GLRA2: variants seen among roughly 807,000 people sequenced by gnomAD.
GLRA2 encodes the protein glycine receptor subunit alpha-2.
Under a neutral mutation model 31.6 loss-of-function variants are expected in GLRA2, and 11 were observed. That is an observed-to-expected ratio of 0.35 (90% CI 0.22 to 0.58). The LOEUF is 0.58. Ranked by LOEUF, GLRA2 falls within the 20% of genes least tolerant of loss-of-function variation. GLRA2 has a pLI of 0.84. For missense variants in GLRA2, 212 were observed against 351.8 expected, an observed-to-expected ratio of 0.60 and a Z score of 3.18; for synonymous variants, 132 against 134.0, an observed-to-expected ratio of 0.99 and a Z score of 0.10.
intron 3 of GLRA2, among the ~76,000 whole-genome samples, chrX:14,577,956 G>T (rs1172337565): frequency 3.6e-5 from 4 of 111,963 alleles, no homozygotes; most frequent in African/African-American, 9.7e-5. Context: ...GTCTTTAGTT[G>T]TAGTCAGAAT....
At chrX:14,496,080 G>T in the GLRA2 span, among the ~76,000 whole-genome samples, 2 of 111,407 alleles carry the variant, frequency 1.8e-5, no homozygotes, top group Admixed American at 9.6e-5. Flanking sequence ...TAGCATGGGC[G>T]AAATGCAAAG....
intron 7 of GLRA2, among the ~76,000 whole-genome samples, chrX:14,663,178 T>A (rs2091008223): frequency 9.0e-6 from 1 of 111,589 alleles, no homozygotes; most frequent in African/African-American, 3.2e-5. Context: ...AATGTAGGTA[T>A]CCCTGTCTTG....
intron 7 of GLRA2, among the ~76,000 whole-genome samples, chrX:14,638,599 T>G (rs1239856054): frequency 9.0e-6 from 1 of 111,541 alleles, no homozygotes. Flanking sequence ...ATGAAAGTAA[T>G]TTTATGTTTG....
the GLRA2 span, among the ~76,000 whole-genome samples, chrX:14,493,980 C>T: frequency 3.5e-4 from 39 of 109,930 alleles, no homozygotes; most frequent in Admixed American, 1.4e-3. Flanking sequence ...TATTTTCATA[C>T]GATGTAACAT....
intron 8 of GLRA2, among the ~76,000 whole-genome samples, chrX:14,696,037 C>T (rs751539843): frequency 7.3e-5 from 8 of 109,691 alleles, no homozygotes; most frequent in African/African-American, 2.0e-4. Context: ...ACAGGTACTT[C>T]GGTTTAACTA....
At chrX:14,476,027 T>C in the GLRA2 span, among the ~76,000 whole-genome samples, 1 of 111,663 alleles carries the variant, frequency 9.0e-6, no homozygotes, top group Admixed American at 9.5e-5. Flanking sequence ...GCACACTTGT[T>C]AAAGCACAAG....
chrX:14,708,137 G>C (rs762809442), intron 8 of GLRA2, among the ~76,000 whole-genome samples: 1 of 111,452 alleles, frequency 9.0e-6, no homozygotes, highest in Non-Finnish European at 1.9e-5. Flanking sequence ...TCACAGAACT[G>C]AAACTTTGTA....
At chrX:14,669,996 C>T (rs767874753) in intron 7 of GLRA2, among the ~76,000 whole-genome samples, 35 of 112,343 alleles carry the variant, frequency 3.1e-4, no homozygotes, top group Admixed American at 6.6e-4. Context: ...AAACTGAATG[C>T]CTTTAACCAC....
chrX:14,487,891 C>T, the GLRA2 span, among the ~76,000 whole-genome samples: 1 of 111,727 alleles, frequency 9.0e-6, no homozygotes, highest in African/African-American at 3.3e-5. Context: ...GTTACAGGAT[C>T]AAATACATGA....
At chrX:14,459,106 C>G in the GLRA2 span, among the ~76,000 whole-genome samples, 2 of 111,891 alleles carry the variant, frequency 1.8e-5, no homozygotes, top group Non-Finnish European at 3.8e-5. Flanking sequence ...GCCAGTTTTC[C>G]TAGCACCATT....
intron 7 of GLRA2, among the ~76,000 whole-genome samples, chrX:14,665,593 G>A (rs1356951147): frequency 9.0e-6 from 1 of 111,516 alleles, no homozygotes; most frequent in African/African-American, 3.3e-5. Flanking sequence ...GTCAGTCTTT[G>A]ACCATCCACA....
chrX:14,660,827 C>T (rs73199685), intron 7 of GLRA2, among the ~76,000 whole-genome samples: 31 of 111,850 alleles, frequency 2.8e-4, no homozygotes, highest in Non-Finnish European at 5.5e-4. Flanking sequence ...AGAAAGACTG[C>T]GATTAGAACA....
At chrX:14,512,180 G>A in the GLRA2 span, among the ~76,000 whole-genome samples, 1 of 111,352 alleles carries the variant, frequency 9.0e-6, no homozygotes, top group African/African-American at 3.3e-5. Flanking sequence ...AGGAGATGGA[G>A]ATATGCTGGT....
chrX:14,575,913 G>A (rs1468518549), intron 3 of GLRA2, among the ~76,000 whole-genome samples: 1 of 111,272 alleles, frequency 9.0e-6, no homozygotes, highest in Non-Finnish European at 1.9e-5. Context: ...TTTACTTTAA[G>A]TCCTAAATCA....
intron 7 of GLRA2, among the ~76,000 whole-genome samples, chrX:14,644,100 T>G (rs2090803489): frequency 9.0e-6 from 1 of 111,666 alleles, no homozygotes. Flanking sequence ...TCCACTCACC[T>G]TGGGCTCTGC....
intron 7 of GLRA2, among the ~76,000 whole-genome samples, chrX:14,636,705 T>A (rs1226255955): frequency 8.9e-6 from 1 of 111,960 alleles, no homozygotes; most frequent in Non-Finnish European, 1.9e-5. Flanking sequence ...TTAGGTGTGA[T>A]AAATGTACCA....
At chrX:14,514,126 C>T in the GLRA2 span, among the ~76,000 whole-genome samples, 1 of 110,868 alleles carries the variant, frequency 9.0e-6, no homozygotes, top group African/African-American at 3.3e-5. Context: ...AGTTGGAGAC[C>T]ATTATTTTAA....
At chrX:14,464,395 A>T in the GLRA2 span, among the ~76,000 whole-genome samples, 3 of 111,195 alleles carry the variant, frequency 2.7e-5, no homozygotes, top group African/African-American at 9.8e-5. Context: ...ATTCTTCTGC[A>T]TATGGATATC....
chrX:14,502,213 C>A, the GLRA2 span, among the ~76,000 whole-genome samples: 1 of 111,691 alleles, frequency 9.0e-6, no homozygotes, highest in Non-Finnish European at 1.9e-5. Flanking sequence ...GAGCAAGTTC[C>A]TTCATTTCTT....
Sources: allele counts gnomAD v4.1 joint callset (sites outside exome capture counted in the v4.1 genomes callset), GRCh38; gene constraint gnomAD v4.1.1; transcripts MANE v1.5; gene names NCBI Gene and HGNC (gene_info 2026-07-23, HGNC 2026-07-21).